The following SUSD5 variants were observed in gnomAD, a reference collection of about 807,000 sequenced individuals.
SUSD5 encodes sushi domain containing 5, also known as sushi domain-containing protein 5.
Under a neutral mutation model 29.5 loss-of-function variants are expected in SUSD5, and 33 were observed. The ratio of observed to expected loss-of-function variants is 1.12; its 90% CI spans 0.85 to 1.49. SUSD5 has a LOEUF of 1.49. Among genes scored for constraint, SUSD5 ranks in the 40% most tolerant of loss-of-function variants. SUSD5 has a pLI of 0.00. For synonymous variants in SUSD5, 308 were observed against 325.3 expected (o/e 0.95, Z 0.57); for missense variants, 776 against 800.6 (o/e 0.97, Z 0.37).
In SUSD5 at chr3:33,214,546, C is replaced by T. The variant is rs138387225; in HGVS notation, c.113-441G>A. Among the ~76,000 whole-genome samples the T allele has an allele frequency of 9.2e-3, 1,403 of 152,194 alleles. 87 individuals carry two copies. Among genetic ancestry groups the T allele is most frequent in the Admixed American group, 0.084 (1,283 of 15,270 alleles). ...GACCCCCTATACAACAGGTTGCTTC[C>T]CTTCTCTCTGTCCCTTGCCTTAAGA... is the stretch of plus-strand genomic sequence containing the variant. On this transcript the variant is annotated intron_variant, in intron 1 of 4. Transcript: ENST00000309558.
In SUSD5 at chr3:33,213,909, G is replaced by A; in HGVS notation, c.290+19C>T. On this transcript the variant is annotated intron_variant, in intron 2 of 4. Transcript: ENST00000309558. ...GTGCAACTGGGGTGAGTTGGAAAAG[G>A]AGTGCTCGCCTAACTTACCCAAGAG... 1.9e-6 allele frequency: 3 copies of A among 1,572,324 alleles called. No individual in the cohort carries two copies. Among genetic ancestry groups the A allele is most frequent in the Non-Finnish European group, 1.7e-6 (2 of 1,157,338 alleles).
intron 3 of SUSD5, among the ~76,000 whole-genome samples, chr3:33,185,053 G>A (rs1390318362): frequency 6.6e-6 from 1 of 152,184 alleles, no homozygotes; most frequent in Admixed American, 6.5e-5. Flanking sequence ...GCTGTGGAGG[G>A]GAGAGGAAGT....
chr3:33,189,069 G>A (rs983782361), intron 3 of SUSD5, among the ~76,000 whole-genome samples: 1 of 152,154 alleles, frequency 6.6e-6, no homozygotes, highest in Non-Finnish European at 1.5e-5. Context: ...ATGTAGGCAA[G>A]TTCATATGCA....
At chr3:33,172,658 G>A (rs1264913029) in intron 4 of SUSD5, among the ~76,000 whole-genome samples, 1 of 152,224 alleles carries the variant, frequency 6.6e-6, no homozygotes, top group Admixed American at 6.5e-5. Context: ...CTAGAACATT[G>A]CTCAAACTGT....
chr3:33,191,048 T>C (rs2031879825), intron 3 of SUSD5, among the ~76,000 whole-genome samples: 1 of 152,188 alleles, frequency 6.6e-6, no homozygotes, highest in Non-Finnish European at 1.5e-5. Flanking sequence ...TCATAGAGTA[T>C]ATATAAGCTC....
rs552436721 is a variant in SUSD5, at chr3:33,213,962, A to G, written c.256T>C (p.Cys86Arg). 4.7e-5 allele frequency: 75 copies of G among 1,610,348 alleles called. 1 individual carries two copies. Among genetic ancestry groups the G allele is most frequent in the Admixed American group, 1.0e-4 (6 of 59,672 alleles). ...CCATCTGCTAGCCAGCCAGTGGTGC[A>G]CACCGCAAAGGAGCAATCCTGTACC... ...RVVQDCSFAV[C>R]TTGWLADGTL... is the part of the protein sequence containing the mutation. The change falls in exon 2 of 5, where the codon TGC becomes CGC. Residue 86 changes from cysteine (C) to arginine (R), a missense_variant. Coordinates refer to ENST00000309558, the MANE Select transcript of SUSD5 (RefSeq NM_015551.2).
At chr3:33,202,404 C>A (rs1270763349) in intron 3 of SUSD5, among the ~76,000 whole-genome samples, 4 of 152,150 alleles carry the variant, frequency 2.6e-5, no homozygotes, top group African/African-American at 9.7e-5. Context: ...GAGCATCCAG[C>A]TCTCTTTTTG....
At position 33,207,844 on chromosome 3, in the gene SUSD5, C is replaced by CA; in HGVS notation, c.372dup (p.Gly125TrpfsTer10). On this transcript the variant is annotated frameshift_variant, in exon 3 of 5. Transcript: ENST00000309558. LOFTEE classifies it high-confidence loss of function. ...ATACAAAGGGCACTGTATGTGCCAC[C>CA]AGGAACTGGGTTGCTCTCAATTCTC... The CA allele has an allele frequency of 6.2e-7, 1 of 1,613,922 alleles. No homozygotes were observed. The highest frequency in any genetic ancestry group is 8.5e-7 in the Non-Finnish European group (1 of 1,179,830).
intron 3 of SUSD5, among the ~76,000 whole-genome samples, chr3:33,197,562 A>G (rs761622284): frequency 1.1e-4 from 16 of 152,074 alleles, no homozygotes; most frequent in Non-Finnish European, 5.9e-5. Context: ...CCACCACCAC[A>G]ACAATCAAGG....
Position 33,153,782 on chromosome 3 carries a change from G to T in SUSD5, c.850C>A (p.Pro284Thr). The T allele has an allele frequency of 6.2e-7, 1 of 1,614,042 alleles. No homozygotes were observed. The change falls in exon 5 of 5, where the codon CCA becomes ACA. Residue 284 changes from proline (P) to threonine (T), a missense_variant. Transcript: ENST00000309558. ...GAGSSVPADS[P>T]GSRLLQKHLF... The stretch of plus-strand genomic sequence containing the variant: ...TGCTTCTGGAGCAGCCGTGATCCTG[G>T]TGAATCTGCGGGGACACTGCTCCCA...
At chr3:33,169,772 G>C (rs1208435962) in intron 4 of SUSD5, among the ~76,000 whole-genome samples, 1 of 152,188 alleles carries the variant, frequency 6.6e-6, no homozygotes, top group Non-Finnish European at 1.5e-5. Flanking sequence ...CTGGTGGAGG[G>C]AGGTCCAGCT....
At chr3:33,200,403 C>A (rs1198062109) in intron 3 of SUSD5, among the ~76,000 whole-genome samples, 1 of 152,192 alleles carries the variant, frequency 6.6e-6, no homozygotes, top group Non-Finnish European at 1.5e-5. Flanking sequence ...AATATGGATT[C>A]AGCTTTGGAA....
chr3:33,204,128 A>G lies in SUSD5; in HGVS notation c.409+3680T>C, dbSNP rs1032074142. 6.6e-6 allele frequency among the ~76,000 whole-genome samples: 1 copy of G among 151,982 alleles called. No homozygotes were observed. Among genetic ancestry groups the G allele is most frequent in the Admixed American group, 6.6e-5 (1 of 15,244 alleles). ...TGGTTTTTAGGGACAAAGGGGCATC[A>G]TATCTACAAGTTACTCTCCAATGGT... On this transcript the variant is annotated intron_variant, in intron 3 of 4. Transcript: ENST00000309558. This position sits in a 1 kb window ranked among gnomAD's most constrained non-coding sequence, Gnocchi z 4.5.
At chr3:33,166,823 T>C (rs530666963) in intron 4 of SUSD5, among the ~76,000 whole-genome samples, 1 of 152,314 alleles carries the variant, frequency 6.6e-6, no homozygotes, top group South Asian at 2.1e-4. Context: ...GAATGATAAA[T>C]GACTTTTGAG....
intron 4 of SUSD5, among the ~76,000 whole-genome samples, chr3:33,173,896 C>T (rs575444914): frequency 1.3e-5 from 2 of 152,308 alleles, no homozygotes; most frequent in Non-Finnish European, 2.9e-5. Flanking sequence ...GCTGCTGCGT[C>T]CCTGTTGGGG....
chr3:33,199,416 G>A (rs1412254096), intron 3 of SUSD5, among the ~76,000 whole-genome samples: 1 of 152,168 alleles, frequency 6.6e-6, no homozygotes, highest in Non-Finnish European at 1.5e-5. Flanking sequence ...TGGGACTACA[G>A]GCACCCGCCA....
At chr3:33,181,354 CT>C (rs61087865) in intron 3 of SUSD5, among the ~76,000 whole-genome samples, 4,963 of 120,384 alleles carry the variant, frequency 0.041, 67 homozygotes, top group South Asian at 0.1. Flanking sequence ...TCATTTTCAT[CT>C]TTTTTTTTTT....
chr3:33,177,335 T>C (rs954040341), intron 3 of SUSD5, among the ~76,000 whole-genome samples: 7 of 152,212 alleles, frequency 4.6e-5, no homozygotes. Context: ...ATCTTCACAA[T>C]CCATGAACAT....
rs10576154 is a variant in SUSD5, at chr3:33,172,180, A to AACACACACAC, written c.598+2696_598+2705dup. Among the ~76,000 whole-genome samples the AACACACACAC allele has an allele frequency of 9.8e-4, 145 of 148,562 alleles. 1 individual carries two copies. Among genetic ancestry groups the AACACACACAC allele is most frequent in the South Asian group, 2.6e-3 (12 of 4,632 alleles). On this transcript the variant is annotated intron_variant, in intron 4 of 4. Transcript: ENST00000309558. The stretch of plus-strand genomic sequence containing the variant: ...TCATCTGGTGAAGATACTCTTGTAA[A>AACACACACAC]ACACACACACACACACACACACACA...
Sources: gnomAD v4.1 joint callset for allele counts (sites outside exome capture counted in the v4.1 genomes callset) on GRCh38, gnomAD v4.1.1 for gene constraint, Gnocchi (gnomAD v3.1) non-coding constraint, MANE v1.5 for transcripts, NCBI Gene and HGNC (gene_info 2026-07-23, HGNC 2026-07-21) for gene names.